FGF5: variants seen among roughly 807,000 people sequenced by gnomAD.
FGF5 encodes the protein heparin-binding growth factor 5.
FGF5 carries 23 observed loss-of-function variants against 21.8 expected under a neutral mutation model. The observed-to-expected ratio is 1.05, with a 90% CI of 0.76 to 1.49. FGF5 has a LOEUF of 1.49. Ranked by LOEUF, FGF5 falls within the 40% of genes most tolerant of loss-of-function variation. The pLI is 0.00. For missense variants in FGF5, 352 were observed against 332.9 expected (o/e 1.06, Z -0.45); for synonymous variants, 158 against 124.0 (o/e 1.27, Z -1.82).
intron 2 of FGF5, among the ~76,000 whole-genome samples, chr4:80,279,416 T>G (rs1199285683): frequency 6.6e-6 from 1 of 152,198 alleles, no homozygotes; most frequent in Admixed American, 6.5e-5. Flanking sequence ...TTAATCTTTT[T>G]CTTTCTGATT....
chr4:80,278,974 C>T (rs1479641343), intron 2 of FGF5, among the ~76,000 whole-genome samples: 1 of 152,182 alleles, frequency 6.6e-6, no homozygotes, highest in Non-Finnish European at 1.5e-5. Flanking sequence ...TCTTTCTCAA[C>T]ACATTCCCAT....
intron 2 of FGF5, among the ~76,000 whole-genome samples, chr4:80,282,819 T>G (rs1720594573): frequency 6.6e-6 from 1 of 152,116 alleles, no homozygotes; most frequent in African/African-American, 2.4e-5. Context: ...AGTTCTATCA[T>G]TTTAAAAGTG....
chr4:80,274,780 A>G, intron 1 of FGF5, 129 bp from the exon 2 acceptor site: 1 of 566,170 alleles, frequency 1.8e-6, no homozygotes, highest in Admixed American at 3.8e-5. Context: ...AACAATAAGG[A>G]TGTTAAATAC....
rs1720757284 is a variant in FGF5, at chr4:80,287,105, AAG to A, written c.*434_*435del. On this transcript the variant is annotated 3_prime_UTR_variant, in exon 3 of 3. Coordinates refer to ENST00000312465, the MANE Select transcript of FGF5 (RefSeq NM_004464.4). ...TGTTTTTTTTTGTTTGTTTTCTTAA[AAG>A]TACCTCTGCATTGAGCATATTTTCT... is the stretch of plus-strand genomic sequence containing the variant. The A allele has an allele frequency of 6.4e-6, 1 of 156,864 alleles. No homozygotes were observed. The highest frequency in any genetic ancestry group is 1.9e-4 in the East Asian group (1 of 5,378). 9.7% of individuals were successfully genotyped at this position (156,864 alleles called of 1,614,324 possible).
At chr4:80,281,486 A>G (rs912634568) in intron 2 of FGF5, among the ~76,000 whole-genome samples, 2 of 152,140 alleles carry the variant, frequency 1.3e-5, no homozygotes, top group African/African-American at 4.8e-5. Flanking sequence ...AAGGTTTTTC[A>G]GGAGAAAGGG....
At chr4:80,272,804 A>G (rs1330407064) in intron 1 of FGF5, among the ~76,000 whole-genome samples, 1 of 152,068 alleles carries the variant, frequency 6.6e-6, no homozygotes, top group Non-Finnish European at 1.5e-5. Flanking sequence ...CATTCCACAC[A>G]TATACAATTT....
At chr4:80,275,060 C>A in intron 2 of FGF5, 48 bp downstream of exon 2, 1 of 789,444 alleles carries the variant, frequency 1.3e-6, no homozygotes, top group Non-Finnish European at 2.0e-6. Context: ...AAAGATTTTA[C>A]ATTTGTAAAA....
At chr4:80,271,524 AC>A (rs1473351023) in intron 1 of FGF5, among the ~76,000 whole-genome samples, 1 of 152,132 alleles carries the variant, frequency 6.6e-6, no homozygotes, top group African/African-American at 2.4e-5. Flanking sequence ...CCACCCGTCC[AC>A]CCCGTGCCTT....
intron 1 of FGF5, among the ~76,000 whole-genome samples, chr4:80,270,868 T>G (rs1397775701): frequency 6.6e-6 from 1 of 152,358 alleles, no homozygotes; most frequent in Non-Finnish European, 1.5e-5. Flanking sequence ...ACTACCAATT[T>G]TGGGGTCATG....
intron 1 of FGF5, 90 bp downstream of exon 1, chr4:80,267,269 C>T (rs914096221): frequency 9.5e-7 from 1 of 1,056,190 alleles, no homozygotes; most frequent in Non-Finnish European, 1.4e-6. Flanking sequence ...CACAGGCTCA[C>T]CTTCCTGAGC....
At chr4:80,281,077 A>T (rs1397966534) in intron 2 of FGF5, among the ~76,000 whole-genome samples, 1 of 152,106 alleles carries the variant, frequency 6.6e-6, no homozygotes, top group East Asian at 1.9e-4. Context: ...TATAGAAGGA[A>T]CGAATGTCCA....
intron 2 of FGF5, among the ~76,000 whole-genome samples, chr4:80,284,027 T>C (rs981662063): frequency 3.3e-5 from 5 of 152,184 alleles, no homozygotes. Context: ...GAATAGTCAA[T>C]GTGTGGTCTT....
chr4:80,271,709 T>C (rs1720277090), intron 1 of FGF5, among the ~76,000 whole-genome samples: 1 of 152,150 alleles, frequency 6.6e-6, no homozygotes, highest in Admixed American at 6.5e-5. Flanking sequence ...AGCTTGGCCT[T>C]CCACAGTTTG....
In FGF5 at chr4:80,276,921, C is replaced by T. The variant is rs368979135; in HGVS notation, c.459+1909C>T. 1.7e-4 allele frequency among the ~76,000 whole-genome samples: 26 copies of T among 152,174 alleles called. 1 individual carries two copies. The highest frequency in any genetic ancestry group is 9.8e-4 in the Admixed American group (15 of 15,252). ...TACACAGTGCATACAAAGAAACTTT[C>T]TCTTACTGGTTTGTTTTGAGTGAAA... is the stretch of plus-strand genomic sequence containing the variant. On this transcript the variant is annotated intron_variant, in intron 2 of 2. Transcript: ENST00000312465.
chr4:80,267,083 C>A lies in FGF5; in HGVS notation c.259C>A (p.Arg87=), dbSNP rs748917721. 1.5e-5 allele frequency: 24 copies of A among 1,614,176 alleles called. No homozygotes were observed. In the East Asian group the frequency reaches 4.9e-4, roughly 33 times the overall value. ...TTTCCAGTGGAGCCCCTCGGGGCGCCGGACCGGCAGCCTCTACTGCAGAGT... is the reference window on the plus strand; with the variant it reads ...TTTCCAGTGGAGCCCCTCGGGGCGCAGGACCGGCAGCCTCTACTGCAGAGT... ...SSFQWSPSGR[R]TGSLYCRVGI... Residue 87 remains arginine (R), a synonymous_variant, in exon 1 of 3, where the codon CGG becomes AGG. Coordinates refer to ENST00000312465, the MANE Select transcript of FGF5 (RefSeq NM_004464.4).
intron 2 of FGF5, among the ~76,000 whole-genome samples, chr4:80,285,616 TC>T (rs556507940): frequency 6.6e-5 from 10 of 152,330 alleles, no homozygotes; most frequent in African/African-American, 9.6e-5. Flanking sequence ...TGTCTGCTTT[TC>T]CACTATTCTG....
Position 80,290,932 on chromosome 4 carries a change from C to A in FGF5, c.*4260C>A, listed in dbSNP as rs548042659. 1 of 152,224 alleles carries A rather than the reference C, an allele frequency of 6.6e-6. No individual in the cohort carries two copies. Among genetic ancestry groups the A allele is most frequent in the Admixed American group, 6.5e-5 (1 of 15,292 alleles). The allele number at this position is 152,224 out of a possible 1,614,324, so 9.4% of individuals were successfully genotyped here. A position where few individuals can be genotyped will look rare whatever the true frequency, so the allele number is the denominator to read the frequency against. ...ATGTGCCACATTTTCTTAATCCAGT[C>A]TATCATTGTTGGACATTTGGGTTGG... is the stretch of plus-strand genomic sequence containing the variant. On this transcript the variant is annotated 3_prime_UTR_variant, in exon 3 of 3. Transcript: ENST00000312465.
chr4:80,289,673 CACTG>C lies in FGF5; in HGVS notation c.*3002_*3005del. On this transcript the variant is annotated 3_prime_UTR_variant, in exon 3 of 3. Coordinates refer to ENST00000312465, the MANE Select transcript of FGF5 (RefSeq NM_004464.4). ...AGAAATTTTCAATAAGATGTAGTAA[CACTG>C]TGATTTATCTTTCAAGAGTCTCTCT... is the stretch of plus-strand genomic sequence containing the variant. 6.6e-6 allele frequency: 1 copy of C among 151,324 alleles called. No homozygotes were observed. The highest frequency in any genetic ancestry group is 1.9e-4 in the East Asian group (1 of 5,178). The allele number at this position is 151,324 out of a possible 1,614,324, so 9.4% of individuals were successfully genotyped here. A position where few individuals can be genotyped will look rare whatever the true frequency, so the allele number is the denominator to read the frequency against.
intron 1 of FGF5, 24 bp from the exon 2 acceptor site, chr4:80,274,885 A>G (rs367847482): frequency 9.9e-6 from 10 of 1,010,436 alleles, no homozygotes; most frequent in Non-Finnish European, 1.6e-5. Flanking sequence ...CCTGTGTTTT[A>G]TTTTGGGATT....
Sources: allele counts gnomAD v4.1 joint callset (sites outside exome capture counted in the v4.1 genomes callset), GRCh38; gene constraint gnomAD v4.1.1; transcripts MANE v1.5; gene names NCBI Gene and HGNC (gene_info 2026-07-23, HGNC 2026-07-21).